Variants in SERINC1 observed in about 807,000 individuals in gnomAD.
SERINC1 encodes serine incorporator 1, also known as tumor differentially expressed protein 2.
SERINC1 carries 38 observed loss-of-function variants against 52.9 expected under a neutral mutation model. The observed-to-expected ratio is 0.72, with a 90% confidence interval of 0.55 to 0.94. SERINC1 has a LOEUF of 0.94. Ranked by LOEUF, SERINC1 falls within the 40% of genes least tolerant of loss-of-function variation. The probability of loss-of-function intolerance (pLI) is 0.00; values close to 1 mark genes in which losing one functional copy is unlikely to be tolerated. For missense variants in SERINC1, 471 were observed against 533.9 expected, an observed-to-expected ratio of 0.88 and a Z score of 1.16; for synonymous variants, 198 against 183.1, an observed-to-expected ratio of 1.08 and a Z score of -0.66.
chr6:122,466,038 C>T (rs974599401), intron 1 of SERINC1, among the ~76,000 whole-genome samples: 2 of 151,986 alleles, frequency 1.3e-5, no homozygotes, highest in Non-Finnish European at 2.9e-5. Context: ...GAGTTCAAGA[C>T]CAGCCTGGCC....
chr6:122,452,123 C>G, intron 5 of SERINC1, 66 bp from the exon 6 acceptor site: 1 of 1,059,340 alleles, frequency 9.4e-7, no homozygotes, highest in Non-Finnish European at 1.3e-6. Context: ...AGAAATGGGA[C>G]CTGTTTTATA....
At chr6:122,454,632 A>T (rs1774965679) in intron 3 of SERINC1, 1 of 170,024 alleles carries the variant, frequency 5.9e-6, no homozygotes. Context: ...CATTTTGGGG[A>T]CTACTGGACA....
In SERINC1 at chr6:122,445,066, A is replaced by C. The variant is rs779562410; in HGVS notation, c.1340T>G (p.Leu447Arg). The change falls in exon 10 of 10, where the codon CTT becomes CGT. Residue 447 changes from leucine to arginine, a missense_variant. Physicochemically the swap from Leu to Arg is moderately radical, Grantham distance 102. Coordinates refer to ENST00000339697, the MANE Select transcript of SERINC1 (RefSeq NM_020755.4). Reference sequence around the variant, plus strand: ...CACTCAGTCAAAATCACGATTTGTAAGAACAAGTGGTGCCACGAGTGTCCA... The same window carrying C: ...CACTCAGTCAAAATCACGATTTGTACGAACAAGTGGTGCCACGAGTGTCCA... ...YVWTLVAPLV[L>R]TNRDFD The C allele has an allele frequency of 1.2e-6, 2 of 1,613,140 alleles. No homozygotes were observed. The highest frequency in any genetic ancestry group is 3.3e-5 in the Admixed American group (2 of 59,804).
intron 1 of SERINC1, among the ~76,000 whole-genome samples, chr6:122,465,620 C>T: frequency 6.6e-6 from 1 of 152,110 alleles, no homozygotes. Flanking sequence ...ACTGGTTGAG[C>T]CAGATCACTT....
intron 7 of SERINC1, among the ~76,000 whole-genome samples, chr6:122,451,143 T>G (rs192640839): frequency 2.0e-5 from 3 of 152,184 alleles, no homozygotes; most frequent in Non-Finnish European, 4.4e-5. Context: ...GGTCTTAGTT[T>G]AAAGATACTA....
At chr6:122,463,743 G>A (rs774516990) in intron 1 of SERINC1, among the ~76,000 whole-genome samples, 40 of 152,164 alleles carry the variant, frequency 2.6e-4, no homozygotes, top group Admixed American at 8.5e-4. Flanking sequence ...CTTTGGTGGC[G>A]GGAATGAAAA....
intron 5 of SERINC1, among the ~76,000 whole-genome samples, chr6:122,452,659 A>G (rs995736602): frequency 5.9e-5 from 9 of 152,222 alleles, no homozygotes; most frequent in African/African-American, 1.4e-4. Context: ...ATTTATGTAG[A>G]TTTGCCTCGC....
Position 122,453,798 on chromosome 6 carries a change from T to C in SERINC1, c.561A>G (p.Glu187=), listed in dbSNP as rs748002000. 5.0e-6 allele frequency: 8 copies of C among 1,608,304 alleles called. No individual in the cohort carries two copies. In the African/African-American group the frequency reaches 9.4e-5, roughly 19 times the overall value. The change falls in exon 5 of 10, where the codon GAA becomes GAG. Residue 187 remains glutamate, a synonymous_variant. Transcript: ENST00000339697. ...CATACCAACATCTCGAGTTCCCTTC[T>C]TCCATTTTTTCAACCCACGATTCAT... is the stretch of plus-strand genomic sequence containing the variant. ...SWNESWVEKM[E]EGNSRCWYAA...
At chr6:122,465,824 T>C (rs533623971) in intron 1 of SERINC1, among the ~76,000 whole-genome samples, 2 of 152,350 alleles carry the variant, frequency 1.3e-5, no homozygotes, top group South Asian at 2.1e-4. Flanking sequence ...ATTTTTAATA[T>C]ACTTACAGAG....
At chr6:122,459,927 G>A (rs1775072085) in intron 1 of SERINC1, among the ~76,000 whole-genome samples, 1 of 152,166 alleles carries the variant, frequency 6.6e-6, no homozygotes, top group African/African-American at 2.4e-5. Context: ...TTCAGGTCAA[G>A]ATGGAGAAAC....
chr6:122,464,873 T>C lies in SERINC1; in HGVS notation c.40-6192A>G, dbSNP rs866219131. Among the ~76,000 whole-genome samples the C allele has an allele frequency of 1.5e-4, 23 of 152,246 alleles. 2 individuals are homozygous for C. In the South Asian group the frequency reaches 3.9e-3, roughly 26 times the overall value. ...ATTACCTGGAGGGCTTATTAAAACA[T>C]AGAATGCCCCCAGTCAATGTTTCTA... On this transcript the variant is annotated intron_variant, in intron 1 of 9. Coordinates refer to ENST00000339697, the MANE Select transcript of SERINC1 (RefSeq NM_020755.4).
intron 1 of SERINC1, among the ~76,000 whole-genome samples, chr6:122,466,803 C>G (rs1024231599): frequency 6.6e-6 from 1 of 152,020 alleles, no homozygotes; most frequent in African/African-American, 2.4e-5. Context: ...GTCCAGGAAG[C>G]ATAATATGTG....
intron 3 of SERINC1, chr6:122,454,451 C>A: frequency 2.1e-6 from 1 of 465,742 alleles, no homozygotes; most frequent in South Asian, 2.9e-5. Flanking sequence ...TGAAATTAAC[C>A]ATTACCATGA....
intron 1 of SERINC1, among the ~76,000 whole-genome samples, chr6:122,462,529 G>A (rs1201851265): frequency 1.3e-5 from 2 of 152,142 alleles, no homozygotes; most frequent in African/African-American, 4.8e-5. Context: ...AGCTGAGGCA[G>A]GAGGACCATT....
At chr6:122,467,959 A>T (rs1405119931) in intron 1 of SERINC1, among the ~76,000 whole-genome samples, 2 of 152,188 alleles carry the variant, frequency 1.3e-5, no homozygotes, top group Non-Finnish European at 2.9e-5. Context: ...AATACACTAT[A>T]TGTATGTTAA....
At chr6:122,457,505 C>A (rs548539164) in intron 2 of SERINC1, among the ~76,000 whole-genome samples, 1 of 152,228 alleles carries the variant, frequency 6.6e-6, no homozygotes, top group South Asian at 2.1e-4. Context: ...GAAACTCTAA[C>A]CCTCAATGGG....
chr6:122,453,634 A>T, intron 5 of SERINC1, 136 bp downstream of exon 5: 1 of 593,714 alleles, frequency 1.7e-6, no homozygotes, highest in Non-Finnish European at 2.7e-6. Context: ...ATATTTTGAC[A>T]CTCACAAAGT....
intron 7 of SERINC1, among the ~76,000 whole-genome samples, chr6:122,448,094 G>A (rs1335685748): frequency 1.4e-5 from 2 of 147,736 alleles, no homozygotes; most frequent in African/African-American, 2.5e-5. Flanking sequence ...ACGACAGAGC[G>A]AGACTCTGTC....
Position 122,453,908 on chromosome 6 carries a change from C to A in SERINC1, c.452-1G>T, listed in dbSNP as rs756059535. 2 of 1,587,030 alleles carry A rather than the reference C, an allele frequency of 1.3e-6. No homozygotes were observed. The highest frequency in any genetic ancestry group is 2.3e-5 in the East Asian group (1 of 44,132). On this transcript the variant is annotated splice_acceptor_variant, in intron 4 of 9. Transcript: ENST00000339697. LOFTEE classifies it high-confidence loss of function. The stretch of plus-strand genomic sequence containing the variant: ...CCTGCCATGCCTACATAAAACCACA[C>A]TGAAAGGGAAAGAAAGCATACATAA...
Sources: allele counts gnomAD v4.1 joint callset (sites outside exome capture counted in the v4.1 genomes callset), GRCh38; gene constraint gnomAD v4.1.1; transcripts MANE v1.5; gene names NCBI Gene and HGNC (gene_info 2026-07-23, HGNC 2026-07-21).